The following UNC13C variants were observed in gnomAD, a reference collection of about 807,000 sequenced individuals.
UNC13C encodes unc-13 homolog C, also known as protein unc-13 homolog C.
Under a neutral mutation model 245.4 loss-of-function variants are expected in UNC13C, and 174 were observed. That is an observed-to-expected ratio of 0.71 (90% CI 0.63 to 0.80). The LOEUF is 0.80. Ranked by LOEUF, UNC13C falls within the 30% of genes least tolerant of loss-of-function variation. UNC13C has a pLI of 0.00. For missense variants in UNC13C, 2,829 were observed against 2,602.9 expected (o/e 1.09, Z -1.89); for synonymous variants, 992 against 895.1 (o/e 1.11, Z -1.93).
At chr15:54,558,428 G>A (rs185381324) in intron 29 of UNC13C, among the ~76,000 whole-genome samples, 7 of 152,040 alleles carry the variant, frequency 4.6e-5, no homozygotes, top group Admixed American at 2.6e-4. Flanking sequence ...CAGTATGTAC[G>A]AAGTTTAAGT....
intron 1 of UNC13C, among the ~76,000 whole-genome samples, chr15:53,993,345 G>A (rs955494286): frequency 1.3e-5 from 2 of 152,100 alleles, no homozygotes; most frequent in Admixed American, 6.6e-5. Context: ...GTCATTGGAT[G>A]TATAAAGCAG....
rs190876665 is a variant in UNC13C at position 54,018,979 on chromosome 15, C to T, written c.2983+3093C>T. Among the ~76,000 whole-genome samples the T allele has an allele frequency of 2.4e-3, 364 of 152,258 alleles. 3 individuals carry two copies. Among genetic ancestry groups the T allele is most frequent in the Non-Finnish European group, 4.0e-3 (273 of 68,022 alleles). Reference sequence around the variant, plus strand: ...CCAAATTCAAACTGTGGCTTTTAATCGCTAAGACTATGACTTTATCTCCTG... The same window carrying T: ...CCAAATTCAAACTGTGGCTTTTAATTGCTAAGACTATGACTTTATCTCCTG... On this transcript the variant is annotated intron_variant, in intron 2 of 32. Coordinates refer to ENST00000260323, the MANE Select transcript of UNC13C (RefSeq NM_001080534.3).
intron 4 of UNC13C, among the ~76,000 whole-genome samples, chr15:54,201,235 C>A (rs2034511485): frequency 6.6e-6 from 1 of 151,738 alleles, no homozygotes; most frequent in Non-Finnish European, 1.5e-5. Context: ...TATCAGACAT[C>A]CAAAGAAGAA....
intron 14 of UNC13C, among the ~76,000 whole-genome samples, chr15:54,324,867 C>G (rs1343875794): frequency 6.6e-6 from 1 of 152,020 alleles, no homozygotes; most frequent in Non-Finnish European, 1.5e-5. Context: ...CAAGCTTGTC[C>G]AACCCACAGC....
chr15:54,539,737 AG>A (rs1312794441), intron 26 of UNC13C, among the ~76,000 whole-genome samples: 1 of 152,088 alleles, frequency 6.6e-6, no homozygotes, highest in Non-Finnish European at 1.5e-5. Context: ...GGAACATAAC[AG>A]AAAGTTTTAA....
intron 30 of UNC13C, among the ~76,000 whole-genome samples, chr15:54,612,855 C>G (rs1034945070): frequency 6.6e-6 from 1 of 151,872 alleles, no homozygotes; most frequent in African/African-American, 2.4e-5. Flanking sequence ...TGAAACCAAT[C>G]TTTTCTTGTT....
At position 54,265,370 on chromosome 15, in the gene UNC13C, G is replaced by T; in HGVS notation, c.3692G>T (p.Gly1231Val). 6.3e-7 allele frequency: 1 copy of T among 1,580,554 alleles called. No individual in the cohort carries two copies. The highest frequency in any genetic ancestry group is 8.6e-7 in the Non-Finnish European group (1 of 1,161,142). The change falls in exon 10 of 33, where the codon GGT (glycine) becomes GTT (valine). Residue 1231 changes from glycine to valine, a missense_variant. Coordinates refer to ENST00000260323, the MANE Select transcript of UNC13C (RefSeq NM_001080534.3). The stretch of plus-strand genomic sequence containing the variant: ...TTTATTTCAGTGGTTTCTGCACAGG[G>T]TCTACAGGCAAAAGATAAAACAGGG... Reference protein sequence around the residue: ...KITITVVSAQGLQAKDKTGSS... With the variant: ...KITITVVSAQVLQAKDKTGSS...
intron 24 of UNC13C, among the ~76,000 whole-genome samples, chr15:54,513,051 T>C (rs180771776): frequency 5.3e-5 from 8 of 152,328 alleles, no homozygotes; most frequent in African/African-American, 1.9e-4. Context: ...AAATAAGGCC[T>C]CATTCCCTAA....
intron 2 of UNC13C, among the ~76,000 whole-genome samples, chr15:54,108,410 G>T (rs973347033): frequency 6.6e-6 from 1 of 152,044 alleles, no homozygotes; most frequent in Admixed American, 6.5e-5. Context: ...GATGGTCTCA[G>T]TCTCCTGACC....
intron 2 of UNC13C, among the ~76,000 whole-genome samples, chr15:54,129,864 A>G (rs908218696): frequency 6.7e-6 from 1 of 149,660 alleles, no homozygotes; most frequent in African/African-American, 2.4e-5. Flanking sequence ...TCATTTTTCC[A>G]TGTCATAAGT....
At chr15:54,130,807 G>A (rs12591651) in intron 2 of UNC13C, among the ~76,000 whole-genome samples, 55,840 of 151,882 alleles carry the variant, frequency 0.37, 10,329 homozygotes, top group Admixed American at 0.39. Context: ...TTTTATGAGT[G>A]TTTTTAATAA....
intron 17 of UNC13C, among the ~76,000 whole-genome samples, chr15:54,382,935 GA>G (rs1420584582): frequency 1.3e-5 from 2 of 152,020 alleles, no homozygotes; most frequent in African/African-American, 4.8e-5. Flanking sequence ...CTAACCAACT[GA>G]AAAACCTAGA....
In UNC13C at chr15:54,379,761, A is replaced by G. The variant is rs182736114; in HGVS notation, c.4714-13287A>G. On this transcript the variant is annotated intron_variant, in intron 17 of 32. Coordinates refer to ENST00000260323, the MANE Select transcript of UNC13C (RefSeq NM_001080534.3). ...ATAGGAGCTGTGAATATTGGCCCCA[A>G]TTCCATTCCACATACGTTTCTTTTA... is the stretch of plus-strand genomic sequence containing the variant. Among the ~76,000 whole-genome samples, 332 of 152,278 alleles carry G rather than the reference A, an allele frequency of 2.2e-3. 1 individual carries two copies. The highest frequency in any genetic ancestry group is 7.0e-3 in the African/African-American group (290 of 41,576).
chr15:54,202,086 T>C (rs147352808), intron 4 of UNC13C, among the ~76,000 whole-genome samples: 1 of 151,106 alleles, frequency 6.6e-6, no homozygotes, highest in African/African-American at 2.4e-5. Context: ...AAAAATTAAA[T>C]AAATTGTTAA....
intron 19 of UNC13C, among the ~76,000 whole-genome samples, chr15:54,433,430 T>A (rs1298746239): frequency 6.6e-6 from 1 of 152,062 alleles, no homozygotes; most frequent in African/African-American, 2.4e-5. Flanking sequence ...TGGTTCAACA[T>A]ATGCAAATCA....
chr15:54,374,968 C>A (rs142860120), intron 17 of UNC13C, among the ~76,000 whole-genome samples: 1 of 152,166 alleles, frequency 6.6e-6, no homozygotes, highest in Non-Finnish European at 1.5e-5. Flanking sequence ...ATAAATAAAC[C>A]ACAGTTTACT....
chr15:54,341,952 G>A (rs2038743155), intron 17 of UNC13C, among the ~76,000 whole-genome samples: 2 of 150,996 alleles, frequency 1.3e-5, no homozygotes, highest in African/African-American at 4.9e-5. Flanking sequence ...CTCCAGCCTG[G>A]GCGACAGAGC....
intron 10 of UNC13C, among the ~76,000 whole-genome samples, chr15:54,271,569 A>T (rs1403775489): frequency 6.6e-6 from 1 of 152,164 alleles, no homozygotes; most frequent in East Asian, 1.9e-4. Context: ...TCATATGTTG[A>T]TGCTGTTCTC....
At chr15:54,420,969 A>T (rs912222671) in intron 19 of UNC13C, among the ~76,000 whole-genome samples, 1 of 152,042 alleles carries the variant, frequency 6.6e-6, no homozygotes, top group Admixed American at 6.6e-5. Flanking sequence ...ATACATTAGA[A>T]TCACCAGGGG....
Sources: allele counts gnomAD v4.1 joint callset (sites outside exome capture counted in the v4.1 genomes callset), GRCh38; gene constraint gnomAD v4.1.1; transcripts MANE v1.5; gene names NCBI Gene and HGNC (gene_info 2026-07-23, HGNC 2026-07-21).